THSD7A: variants seen among roughly 807,000 people sequenced by gnomAD.
THSD7A encodes thrombospondin type 1 domain containing 7A.
THSD7A carries 96 observed loss-of-function variants against 231.3 expected under a neutral mutation model. The ratio of observed to expected loss-of-function variants is 0.41; its 90% CI spans 0.35 to 0.49. THSD7A has a LOEUF of 0.49. Ranked by LOEUF, THSD7A falls within the 20% of genes least tolerant of loss-of-function variation. The pLI is 0.05. For synonymous variants in THSD7A, 940 were observed against 743.3 expected, an observed-to-expected ratio of 1.26 and a Z score of -4.30; for missense variants, 2,290 against 2,070.2, an observed-to-expected ratio of 1.11 and a Z score of -2.06.
chr7:11,603,717 T>G (rs866550253), intron 2 of THSD7A, among the ~76,000 whole-genome samples: 22 of 151,762 alleles, frequency 1.4e-4, no homozygotes, highest in Middle Eastern at 3.4e-3. Flanking sequence ...GATGAGTTCA[T>G]GTCCTTTGTA....
At chr7:11,799,042 A>T (rs1435922347) in intron 1 of THSD7A, among the ~76,000 whole-genome samples, 3 of 151,408 alleles carry the variant, frequency 2.0e-5, no homozygotes, top group Non-Finnish European at 4.4e-5. Context: ...CCCGCTTCAG[A>T]CTCCTGATTA....
intron 1 of THSD7A, among the ~76,000 whole-genome samples, chr7:11,682,820 C>T (rs1440652487): frequency 6.6e-6 from 1 of 151,886 alleles, no homozygotes; most frequent in Non-Finnish European, 1.5e-5. Context: ...CTCATCTGCA[C>T]ATAGAACATA....
At chr7:11,563,956 A>G (rs1007726243) in intron 4 of THSD7A, among the ~76,000 whole-genome samples, 1 of 152,088 alleles carries the variant, frequency 6.6e-6, no homozygotes, top group African/African-American at 2.4e-5. Context: ...TTTTTCTTAC[A>G]CTAGACTATT....
intron 1 of THSD7A, among the ~76,000 whole-genome samples, chr7:11,657,523 G>C (rs533869083): frequency 5.3e-5 from 8 of 151,666 alleles, no homozygotes; most frequent in Admixed American, 5.3e-4. Flanking sequence ...GGTATATCCT[G>C]CTCTCCTTCA....
intron 19 of THSD7A, among the ~76,000 whole-genome samples, chr7:11,409,370 G>C (rs1301717242): frequency 6.6e-6 from 1 of 152,196 alleles, no homozygotes; most frequent in African/African-American, 2.4e-5. Flanking sequence ...CTTGAAGACA[G>C]TGTTTGCTAG....
At position 11,711,773 on chromosome 7, in the gene THSD7A, A is replaced by G. The variant is rs143393135; in HGVS notation, c.191-74812T>C. Among the ~76,000 whole-genome samples the G allele has an allele frequency of 6.7e-3, 1,007 of 151,338 alleles. 6 individuals carry two copies. Among genetic ancestry groups the G allele is most frequent in the Non-Finnish European group, 9.7e-3 (653 of 67,438 alleles). On this transcript the variant is annotated intron_variant, in intron 1 of 27. Transcript: ENST00000423059. ...TTTCATCTATGGGTAACCATGCTGC[A>G]CAAGAGAAGTATGGCCAAAGGCCAG...
intron 1 of THSD7A, among the ~76,000 whole-genome samples, chr7:11,751,847 T>TG (rs1400079677): frequency 1.3e-5 from 2 of 151,992 alleles, no homozygotes; most frequent in African/African-American, 4.8e-5. Context: ...CCTCCTGAAA[T>TG]GGGTCGGGAC....
chr7:11,677,837 A>G (rs1437972292), intron 1 of THSD7A, among the ~76,000 whole-genome samples: 2 of 152,092 alleles, frequency 1.3e-5, no homozygotes, highest in Non-Finnish European at 2.9e-5. Context: ...GCTCTGGACC[A>G]AGCAGACCTA....
rs956867476 is a variant in THSD7A at position 11,632,734 on chromosome 7, A to G, written c.1022+3396T>C. 1.3e-5 allele frequency among the ~76,000 whole-genome samples: 2 copies of G among 152,170 alleles called. No individual in the cohort carries two copies. Among genetic ancestry groups the G allele is most frequent in the Admixed American group, 1.3e-4 (2 of 15,278 alleles). Reference sequence around the variant, plus strand: ...GATGTCTCTTCACCTATCTCTCTCCATAAAAGTTGATCTATATTAGTTCTC... The same window carrying G: ...GATGTCTCTTCACCTATCTCTCTCCGTAAAAGTTGATCTATATTAGTTCTC... On this transcript the variant is annotated intron_variant, in intron 2 of 27. Transcript: ENST00000423059. The surrounding 1 kb of genome is among the most constrained non-coding windows in gnomAD (Gnocchi z 4.1).
At chr7:11,532,680 A>G (rs560204991) in intron 6 of THSD7A, among the ~76,000 whole-genome samples, 1 of 152,324 alleles carries the variant, frequency 6.6e-6, no homozygotes, top group South Asian at 2.1e-4. Flanking sequence ...CTTGCAAGAT[A>G]GAAAATGTAA....
chr7:11,615,862 T>C (rs1394270681), intron 2 of THSD7A, among the ~76,000 whole-genome samples: 1 of 152,212 alleles, frequency 6.6e-6, no homozygotes, highest in African/African-American at 2.4e-5. Flanking sequence ...TCCTCTATTG[T>C]CTTGTTTTAA....
chr7:11,373,385 G>C lies in THSD7A; in HGVS notation c.*2409C>G, dbSNP rs1782136210. ...AAATGGAGTTTATTTTATTCAAAGA[G>C]ATCAACTTTAGGATTATCTGGAAGA... On this transcript the variant is annotated 3_prime_UTR_variant, in exon 28 of 28. Coordinates refer to ENST00000423059, the MANE Select transcript of THSD7A (RefSeq NM_015204.3). 1 of 151,950 alleles carries C rather than the reference G, an allele frequency of 6.6e-6. No homozygotes were observed. Among genetic ancestry groups the C allele is most frequent in the South Asian group, 2.1e-4 (1 of 4,820 alleles). 9.4% of individuals were successfully genotyped at this position (151,950 alleles called of 1,614,324 possible).
At chr7:11,460,382 G>A (rs112338989) in intron 11 of THSD7A, among the ~76,000 whole-genome samples, 5,444 of 151,452 alleles carry the variant, frequency 0.036, 157 homozygotes, top group Non-Finnish European at 0.056. Flanking sequence ...AAACAAAAAA[G>A]CTTCAGTGTA....
intron 4 of THSD7A, among the ~76,000 whole-genome samples, chr7:11,582,992 C>G (rs935700594): frequency 6.6e-6 from 1 of 151,916 alleles, no homozygotes; most frequent in Non-Finnish European, 1.5e-5. Flanking sequence ...TCTGAACCTT[C>G]TTGTCAACTC....
At position 11,637,953 on chromosome 7, in the gene THSD7A, T is replaced by C. The variant is rs188266515; in HGVS notation, c.191-992A>G. Among the ~76,000 whole-genome samples the C allele has an allele frequency of 9.2e-5, 14 of 152,186 alleles. No individual in the cohort carries two copies. Among genetic ancestry groups the C allele is most frequent in the Non-Finnish European group, 1.6e-4 (11 of 68,004 alleles). The stretch of plus-strand genomic sequence containing the variant: ...GAAACTTAAAGTTCATGTAAGTACA[T>C]GATTTTCAAAAAGTATTCCATGAAT... On this transcript the variant is annotated intron_variant, in intron 1 of 27. Transcript: ENST00000423059. This position sits in a 1 kb window ranked among gnomAD's most constrained non-coding sequence, Gnocchi z 4.2.
chr7:11,730,124 T>G (rs1781680913), intron 1 of THSD7A, among the ~76,000 whole-genome samples: 1 of 151,682 alleles, frequency 6.6e-6, no homozygotes, highest in Admixed American at 6.6e-5. Flanking sequence ...TGTTTTGTTG[T>G]GAAATTATTT....
At chr7:11,799,002 A>T (rs1253045301) in intron 1 of THSD7A, among the ~76,000 whole-genome samples, 1 of 151,920 alleles carries the variant, frequency 6.6e-6, no homozygotes, top group Non-Finnish European at 1.5e-5. Flanking sequence ...GGCTCACTAC[A>T]ACCTCTGCCT....
chr7:11,715,974 G>A (rs146049645), intron 1 of THSD7A, among the ~76,000 whole-genome samples: 1 of 151,598 alleles, frequency 6.6e-6, no homozygotes, highest in Non-Finnish European at 1.5e-5. Flanking sequence ...ATACCTTAGA[G>A]TGATCTAAAT....
At chr7:11,534,395 T>C (rs62432829) in intron 6 of THSD7A, among the ~76,000 whole-genome samples, 1 of 152,164 alleles carries the variant, frequency 6.6e-6, no homozygotes, top group African/African-American at 2.4e-5. Context: ...CTTGAAGTTA[T>C]GCCAAAAGCC....
Sources: gnomAD v4.1 joint callset for allele counts (sites outside exome capture counted in the v4.1 genomes callset) on GRCh38, gnomAD v4.1.1 for gene constraint, Gnocchi (gnomAD v3.1) non-coding constraint, MANE v1.5 for transcripts, NCBI Gene and HGNC (gene_info 2026-07-23, HGNC 2026-07-21) for gene names.